The following GPC5 variants were observed in gnomAD, a reference collection of about 807,000 sequenced individuals.
The protein encoded by GPC5 is glypican-5.
A neutral mutation model predicts 53.9 loss-of-function variants in GPC5; 47 were observed. The ratio of observed to expected loss-of-function variants is 0.87; its 90% confidence interval spans 0.69 to 1.11. The LOEUF (loss-of-function observed/expected upper bound fraction) is 1.11. GPC5 is among the 50% of genes most tolerant of loss of function. GPC5 has a pLI of 0.00. For missense variants in GPC5, 748 were observed against 713.1 expected (o/e 1.05, Z -0.56); for synonymous variants, 286 against 263.3 (o/e 1.09, Z -0.84).
At chr13:92,698,538 T>C (rs1347104328) in intron 7 of GPC5, among the ~76,000 whole-genome samples, 2 of 152,246 alleles carry the variant, frequency 1.3e-5, no homozygotes, top group Non-Finnish European at 2.9e-5. Flanking sequence ...GATGTATATG[T>C]GCCACATTTT....
chr13:92,183,917 C>A (rs2042165113), intron 7 of GPC5, among the ~76,000 whole-genome samples: 1 of 151,848 alleles, frequency 6.6e-6, no homozygotes. Context: ...TCTCTTTGAT[C>A]TTATCTAATA....
chr13:92,836,549 T>C (rs1015253904), intron 7 of GPC5, among the ~76,000 whole-genome samples: 3 of 152,154 alleles, frequency 2.0e-5, no homozygotes, highest in Non-Finnish European at 2.9e-5. Flanking sequence ...ATACTGGTTA[T>C]ACAGTATGCT....
intron 7 of GPC5, among the ~76,000 whole-genome samples, chr13:92,696,034 T>A (rs746473652): frequency 2.0e-5 from 3 of 152,178 alleles, no homozygotes; most frequent in Admixed American, 6.6e-5. Flanking sequence ...GAACTCATCC[T>A]TTTTTATGGC....
At chr13:91,578,285 G>A (rs985983274) in intron 2 of GPC5, among the ~76,000 whole-genome samples, 18 of 152,162 alleles carry the variant, frequency 1.2e-4, no homozygotes, top group Non-Finnish European at 2.2e-4. Context: ...GAACCATGTA[G>A]CAAAACTGCT....
intron 5 of GPC5, among the ~76,000 whole-genome samples, chr13:91,875,803 C>T (rs965517158): frequency 6.6e-6 from 1 of 152,132 alleles, no homozygotes; most frequent in Non-Finnish European, 1.5e-5. Flanking sequence ...CCAGCTTCCC[C>T]CAACAATATT....
At chr13:92,668,217 A>G (rs930370473) in intron 7 of GPC5, among the ~76,000 whole-genome samples, 21 of 152,154 alleles carry the variant, frequency 1.4e-4, no homozygotes, top group African/African-American at 5.1e-4. Flanking sequence ...TTGTCATTGT[A>G]GAAGTTCTGA....
In GPC5 at chr13:91,536,989, T is replaced by A. The variant is rs575931588; in HGVS notation, c.325+88067T>A. On this transcript the variant is annotated intron_variant, in intron 2 of 7. Coordinates refer to ENST00000377067, the MANE Select transcript of GPC5 (RefSeq NM_004466.6). ...AAATCACAAGGGAATTTAGAAAATA[T>A]TTTGCGAAGAATAAAAGTGAAAATA... is the stretch of plus-strand genomic sequence containing the variant. Among the ~76,000 whole-genome samples, 5 of 152,240 alleles carry A rather than the reference T, an allele frequency of 3.3e-5. No homozygotes were observed. The East Asian group carries it at 5.8e-4, about 18-fold the overall frequency.
chr13:91,899,340 G>A (rs1236396338), intron 5 of GPC5, among the ~76,000 whole-genome samples: 2 of 151,822 alleles, frequency 1.3e-5, no homozygotes, highest in South Asian at 2.1e-4. Flanking sequence ...TTTTTCTTGT[G>A]GCCAACTGAA....
chr13:92,619,293 A>G (rs1000129319), intron 7 of GPC5, among the ~76,000 whole-genome samples: 2 of 151,976 alleles, frequency 1.3e-5, no homozygotes, highest in Non-Finnish European at 2.9e-5. Flanking sequence ...ATTTCTTCAT[A>G]GCCTTGATAA....
chr13:92,108,464 G>C (rs754115742), intron 6 of GPC5, among the ~76,000 whole-genome samples: 4 of 152,140 alleles, frequency 2.6e-5, no homozygotes, highest in Non-Finnish European at 4.4e-5. Flanking sequence ...GCAGGGCTGG[G>C]ATTTTACCCT....
At chr13:92,407,745 G>T (rs566817127) in intron 7 of GPC5, among the ~76,000 whole-genome samples, 2 of 152,150 alleles carry the variant, frequency 1.3e-5, no homozygotes, top group South Asian at 2.1e-4. Context: ...AGGAAAAATA[G>T]AAATCTAATA....
At chr13:91,492,772 G>T (rs2139260198) in intron 2 of GPC5, among the ~76,000 whole-genome samples, 1 of 152,250 alleles carries the variant, frequency 6.6e-6, no homozygotes, top group Middle Eastern at 3.4e-3. Context: ...TCCTTCCAAT[G>T]TGTTAACTTT....
intron 6 of GPC5, among the ~76,000 whole-genome samples, chr13:91,943,671 T>A (rs1187096070): frequency 6.6e-6 from 1 of 152,196 alleles, no homozygotes; most frequent in African/African-American, 2.4e-5. Flanking sequence ...TAATACAAGT[T>A]TTCCTCTCTT....
chr13:91,907,444 C>T (rs1221220770), intron 5 of GPC5, among the ~76,000 whole-genome samples: 1 of 142,260 alleles, frequency 7.0e-6, no homozygotes, highest in Non-Finnish European at 1.5e-5. Flanking sequence ...ATTATATATA[C>T]AAGTATATAC....
intron 7 of GPC5, among the ~76,000 whole-genome samples, chr13:92,608,693 C>A (rs1245147626): frequency 6.6e-6 from 1 of 152,154 alleles, no homozygotes; most frequent in Non-Finnish European, 1.5e-5. Context: ...TACATGTTTG[C>A]ATGTGCGGAA....
intron 6 of GPC5, among the ~76,000 whole-genome samples, chr13:91,991,836 A>G (rs1175256690): frequency 1.4e-5 from 2 of 141,422 alleles, no homozygotes; most frequent in Non-Finnish European, 3.0e-5. Flanking sequence ...ATTTCTCTGC[A>G]TCTTAGGTTT....
chr13:91,684,420 G>A (rs137861251), intron 2 of GPC5, among the ~76,000 whole-genome samples: 7 of 152,052 alleles, frequency 4.6e-5, no homozygotes, highest in East Asian at 3.9e-4. Flanking sequence ...ACACGGAGCC[G>A]GCATACTCTT....
At chr13:92,833,993 T>C (rs1326837979) in intron 7 of GPC5, among the ~76,000 whole-genome samples, 1 of 152,132 alleles carries the variant, frequency 6.6e-6, no homozygotes, top group Non-Finnish European at 1.5e-5. Flanking sequence ...GACAATATAA[T>C]CTGATTTGAA....
intron 5 of GPC5, among the ~76,000 whole-genome samples, chr13:91,857,068 A>G (rs1294908717): frequency 6.6e-6 from 1 of 151,118 alleles, no homozygotes; most frequent in Non-Finnish European, 1.5e-5. Flanking sequence ...CCAAATATGT[A>G]TTTGTATATT....
Sources: gnomAD v4.1 joint callset for allele counts (sites outside exome capture counted in the v4.1 genomes callset) on GRCh38, gnomAD v4.1.1 for gene constraint, MANE v1.5 for transcripts, NCBI Gene and HGNC (gene_info 2026-07-23, HGNC 2026-07-21) for gene names.